Variants in DPY19L3 observed in about 807,000 individuals in gnomAD.
DPY19L3 encodes protein C-mannosyl-transferase DPY19L3.
Under a neutral mutation model 92.3 loss-of-function variants are expected in DPY19L3, and 51 were observed. That is an observed-to-expected ratio of 0.55 (90% CI 0.44 to 0.70). DPY19L3 has a LOEUF of 0.70. DPY19L3 is among the 30% of genes least tolerant of loss of function. The pLI is 0.00. For missense variants in DPY19L3, 706 were observed against 855.9 expected, an observed-to-expected ratio of 0.82 and a Z score of 2.18; for synonymous variants, 309 against 315.2, an observed-to-expected ratio of 0.98 and a Z score of 0.21.
In DPY19L3 at chr19:32,439,105, T is replaced by C. The variant is rs757170300; in HGVS notation, c.597-7T>C. 1.3e-6 allele frequency: 2 copies of C among 1,594,262 alleles called. No homozygotes were observed. The highest frequency in any genetic ancestry group is 1.1e-5 in the South Asian group (1 of 87,526). ...CACTTTGGCCATTTGTGTTTTCTTT[T>C]GTGCAGAATAGATACCACAAGAGTT... On this transcript the variant is annotated splice_polypyrimidine_tract_variant and splice_region_variant and intron_variant, in intron 6 of 18. Coordinates refer to ENST00000392250, the MANE Select transcript of DPY19L3 (RefSeq NM_001172774.2).
chr19:32,438,567 G>A (rs148416591), intron 6 of DPY19L3, among the ~76,000 whole-genome samples: 2 of 152,122 alleles, frequency 1.3e-5, no homozygotes, highest in Non-Finnish European at 2.9e-5. Flanking sequence ...ATACACACAC[G>A]TATATTATGT....
intron 8 of DPY19L3, among the ~76,000 whole-genome samples, chr19:32,443,716 C>T (rs528644549): frequency 7.2e-5 from 11 of 152,138 alleles, no homozygotes; most frequent in Non-Finnish European, 1.5e-4. Flanking sequence ...GCTAACATGG[C>T]AGATTTAAAT....
intron 3 of DPY19L3, among the ~76,000 whole-genome samples, chr19:32,416,671 C>T (rs1968389895): frequency 6.6e-6 from 1 of 152,240 alleles, no homozygotes; most frequent in African/African-American, 2.4e-5. Context: ...CTTCGAGGGT[C>T]CCATTGGAAG....
intron 3 of DPY19L3, among the ~76,000 whole-genome samples, chr19:32,416,922 G>A (rs1968397775): frequency 6.6e-6 from 1 of 152,214 alleles, no homozygotes; most frequent in African/African-American, 2.4e-5. Flanking sequence ...CTGACTCTCA[G>A]GCCACATGGT....
intron 3 of DPY19L3, among the ~76,000 whole-genome samples, chr19:32,426,096 C>G (rs935465079): frequency 1.3e-5 from 2 of 152,180 alleles, no homozygotes; most frequent in African/African-American, 4.8e-5. Context: ...GCTTTTCCAT[C>G]AGCACTTTCA....
chr19:32,479,694 C>A, intron 17 of DPY19L3: 1 of 367,380 alleles, frequency 2.7e-6, no homozygotes, highest in Non-Finnish European at 5.3e-6. Flanking sequence ...AGCCTGTTTC[C>A]ATTCCAGCCC....
At chr19:32,411,032 G>A (rs914867646) in intron 2 of DPY19L3, among the ~76,000 whole-genome samples, 6 of 152,168 alleles carry the variant, frequency 3.9e-5, no homozygotes, top group Admixed American at 3.3e-4. Context: ...TTGGCAGAAT[G>A]GACACATGGA....
intron 3 of DPY19L3, among the ~76,000 whole-genome samples, chr19:32,425,672 A>G (rs907888649): frequency 6.6e-5 from 10 of 152,202 alleles, no homozygotes; most frequent in Admixed American, 5.9e-4. Flanking sequence ...TGCATTATCA[A>G]TGAGCAGTAG....
At position 32,458,468 on chromosome 19, in the gene DPY19L3, C is replaced by A. The variant is rs777544466; in HGVS notation, c.1281C>A (p.Ile427=). The A allele has an allele frequency of 2.5e-6, 4 of 1,613,274 alleles. No homozygotes were observed. In the African/African-American group the frequency reaches 5.3e-5, roughly 22 times the overall value. The part of the protein sequence containing the change: ...LFYAYIFVLS[I]TVIVAFVVAF... ...ATGCTTACATATTCGTTCTGTCCAT[C>A]ACAGTGATTGTAGCATTCGTTGTTG... Residue 427 remains isoleucine, a synonymous_variant, in exon 12 of 19, where the codon ATC becomes ATA. Transcript: ENST00000392250.
At chr19:32,465,253 C>T (rs1970166121) in intron 15 of DPY19L3, among the ~76,000 whole-genome samples, 1 of 152,164 alleles carries the variant, frequency 6.6e-6, no homozygotes, top group Non-Finnish European at 1.5e-5. Flanking sequence ...AAAATCTGTT[C>T]TTCAGTATCA....
chr19:32,454,755 C>G (rs771776457), intron 9 of DPY19L3, among the ~76,000 whole-genome samples, 184 bp from the exon 10 acceptor site: 8 of 152,070 alleles, frequency 5.3e-5, no homozygotes, highest in Non-Finnish European at 1.2e-4. Flanking sequence ...TCATTTACTA[C>G]TAGAAAATCA....
In DPY19L3 at chr19:32,482,242, G is replaced by A. The variant is rs147390632; in HGVS notation, c.*2G>A. 541 of 1,609,106 alleles carry A rather than the reference G, an allele frequency of 3.4e-4. 1 individual carries two copies. The highest frequency in any genetic ancestry group is 8.5e-4 in the Admixed American group (50 of 58,724). On this transcript the variant is annotated 3_prime_UTR_variant, in exon 19 of 19. Transcript: ENST00000392250. ...TACAAGCTGTCCAGAAACAAGTAGC[G>A]CAGATTTCTGCCCAGTGTCTATTTT... is the stretch of plus-strand genomic sequence containing the variant.
In DPY19L3 at chr19:32,484,063, A is replaced by G. The variant is rs1387471290; in HGVS notation, c.*1823A>G. ...GCATTTGGGCATTTGGAGTCTTAAT[A>G]TACAAGAAACACGTACTTAAATTTT... On this transcript the variant is annotated 3_prime_UTR_variant, in exon 19 of 19. Coordinates refer to ENST00000392250, the MANE Select transcript of DPY19L3 (RefSeq NM_001172774.2). 4 of 152,596 alleles carry G rather than the reference A, an allele frequency of 2.6e-5. No homozygotes were observed. Among genetic ancestry groups the G allele is most frequent in the African/African-American group, 4.8e-5 (2 of 41,456 alleles). The allele number at this position is 152,596 out of a possible 1,614,324, so 9.5% of individuals were successfully genotyped here.
intron 16 of DPY19L3, among the ~76,000 whole-genome samples, chr19:32,470,604 AAATTAAAAT>A (rs1365382711): frequency 6.6e-6 from 1 of 152,288 alleles, no homozygotes; most frequent in Non-Finnish European, 1.5e-5. Context: ...TCCCCACAGA[AAATTAAAAT>A]AACATTTCTG....
At chr19:32,476,215 C>T (rs535758775) in intron 16 of DPY19L3, among the ~76,000 whole-genome samples, 1 of 152,242 alleles carries the variant, frequency 6.6e-6, no homozygotes, top group East Asian at 1.9e-4. Flanking sequence ...TGAGGCTTCT[C>T]TTAGAAACCG....
intron 12 of DPY19L3, among the ~76,000 whole-genome samples, chr19:32,463,116 AT>A (rs762691536): frequency 2.6e-5 from 4 of 152,114 alleles, no homozygotes; most frequent in Non-Finnish European, 5.9e-5. Context: ...AATTTAAAGA[AT>A]TGAAGCACTT....
intron 3 of DPY19L3, among the ~76,000 whole-genome samples, chr19:32,418,098 C>G (rs1216358107): frequency 6.6e-6 from 1 of 152,116 alleles, no homozygotes; most frequent in Non-Finnish European, 1.5e-5. Context: ...GGAAAGAGAA[C>G]CTGGGCCAGT....
chr19:32,438,448 A>G (rs1333532593), intron 6 of DPY19L3, among the ~76,000 whole-genome samples: 1 of 152,160 alleles, frequency 6.6e-6, no homozygotes, highest in East Asian at 1.9e-4. Context: ...TTTCTTTTAT[A>G]TAGAGATATA....
intron 12 of DPY19L3, among the ~76,000 whole-genome samples, chr19:32,461,493 C>A (rs1463407645): frequency 6.6e-6 from 1 of 152,170 alleles, no homozygotes; most frequent in African/African-American, 2.4e-5. Flanking sequence ...TTACTTTTCA[C>A]ACCTTGCCCT....
Sources: gnomAD v4.1 joint callset for allele counts (sites outside exome capture counted in the v4.1 genomes callset) on GRCh38, gnomAD v4.1.1 for gene constraint, MANE v1.5 for transcripts, NCBI Gene and HGNC (gene_info 2026-07-23, HGNC 2026-07-21) for gene names.